The following TMT1A variants were observed in gnomAD, a reference collection of about 807,000 sequenced individuals.
TMT1A encodes thiol methyltransferase 1A.
At chr12:50,929,026 T>A in the TMT1A span, among the ~76,000 whole-genome samples, 1 of 151,868 alleles carries the variant, frequency 6.6e-6, no homozygotes, top group African/African-American at 2.4e-5. Flanking sequence ...TCACTTGAGC[T>A]CAGGAGTTCG....
the TMT1A span, among the ~76,000 whole-genome samples, chr12:50,928,989 G>A: frequency 1.3e-5 from 2 of 151,962 alleles, no homozygotes; most frequent in African/African-American, 4.8e-5. Flanking sequence ...TGTAATCCCA[G>A]CACTTTGGGA....
At chr12:50,927,415 G>C in the TMT1A span, among the ~76,000 whole-genome samples, 1 of 152,262 alleles carries the variant, frequency 6.6e-6, no homozygotes, top group Admixed American at 6.5e-5. Flanking sequence ...TCCTGTCTTG[G>C]CTCAATATCA....
chr12:50,930,085 C>T, the TMT1A span: 1 of 1,613,990 alleles, frequency 6.2e-7, no homozygotes, highest in Non-Finnish European at 8.5e-7. Flanking sequence ...GAAGCTGCAG[C>T]ACATCCAGGC....
At chr12:50,926,034 A>G in the TMT1A span, among the ~76,000 whole-genome samples, 3 of 148,726 alleles carry the variant, frequency 2.0e-5, no homozygotes, top group African/African-American at 7.4e-5. Flanking sequence ...AAAAAAAAAA[A>G]AAAAAGAAAG....
the TMT1A span, chr12:50,931,218 C>A: frequency 6.6e-6 from 1 of 151,538 alleles, no homozygotes; most frequent in African/African-American, 2.4e-5. Flanking sequence ...AATGGTTACC[C>A]ATCAGATTTT....
the TMT1A span, among the ~76,000 whole-genome samples, chr12:50,925,986 C>T: frequency 5.1e-5 from 6 of 117,872 alleles, no homozygotes; most frequent in Non-Finnish European, 9.7e-5. Flanking sequence ...CACAGCACTC[C>T]AGCCTAGGCA....
At chr12:50,926,045 A>AAGG in the TMT1A span, among the ~76,000 whole-genome samples, 4 of 126,248 alleles carry the variant, frequency 3.2e-5, no homozygotes, top group Non-Finnish European at 4.9e-5. Context: ...AAAAAGAAAG[A>AAGG]AAGAAAAAAA....
chr12:50,925,284 G>A, the TMT1A span: 3 of 1,614,156 alleles, frequency 1.9e-6, no homozygotes, highest in Non-Finnish European at 2.5e-6. Context: ...GTGGCACGGG[G>A]GCCAACTTCA....
chr12:50,926,984 T>C, the TMT1A span, among the ~76,000 whole-genome samples: 1 of 152,184 alleles, frequency 6.6e-6, no homozygotes, highest in South Asian at 2.1e-4. Flanking sequence ...ACATTTGAAT[T>C]TACTCTTCTG....
the TMT1A span, chr12:50,929,969 A>C: frequency 2.5e-6 from 4 of 1,613,762 alleles, no homozygotes; most frequent in Non-Finnish European, 3.4e-6. Flanking sequence ...ACTTGGAATT[A>C]CTTCTGGCAA....
chr12:50,929,053 T>A, the TMT1A span, among the ~76,000 whole-genome samples: 1 of 151,462 alleles, frequency 6.6e-6, no homozygotes, highest in Non-Finnish European at 1.5e-5. Context: ...GCCTGGGCAA[T>A]GCGGCGAAAC....
the TMT1A span, chr12:50,929,900 T>C: frequency 1.3e-6 from 2 of 1,547,180 alleles, no homozygotes; most frequent in South Asian, 1.2e-5. Flanking sequence ...TTTTTTTTTT[T>C]CTTTCTTTCT....
the TMT1A span, chr12:50,930,997 C>T: frequency 1.3e-5 from 2 of 152,120 alleles, no homozygotes; most frequent in African/African-American, 4.8e-5. Flanking sequence ...CTTTGAACTC[C>T]CCCTTCAAAG....
the TMT1A span, among the ~76,000 whole-genome samples, chr12:50,927,456 T>C: frequency 6.6e-6 from 1 of 152,224 alleles, no homozygotes; most frequent in East Asian, 1.9e-4. Flanking sequence ...CTGATTCTTA[T>C]ACCCAAATGC....
chr12:50,929,835 G>T, the TMT1A span: 1 of 1,379,730 alleles, frequency 7.2e-7, no homozygotes, highest in South Asian at 1.4e-5. Flanking sequence ...CAGTGCCAGA[G>T]AACAATTTTC....
At chr12:50,931,711 CAAAAAAAAAAAA>C in the TMT1A span, 1 of 43,380 alleles carries the variant, frequency 2.3e-5, no homozygotes, top group African/African-American at 8.0e-5. Context: ...GACTCCGTCT[CAAAAAAAAAAAA>C]AAAAAAAAAA....
At chr12:50,929,129 G>A in the TMT1A span, among the ~76,000 whole-genome samples, 2 of 152,130 alleles carry the variant, frequency 1.3e-5, no homozygotes, top group South Asian at 4.2e-4. Context: ...CAGCTACTTG[G>A]GGGGCTGAGG....
At chr12:50,928,706 C>T in the TMT1A span, among the ~76,000 whole-genome samples, 1 of 152,160 alleles carries the variant, frequency 6.6e-6, no homozygotes, top group African/African-American at 2.4e-5. Flanking sequence ...TATATACACT[C>T]CCCAGCAATC....
chr12:50,932,190 T>C, the TMT1A span: 1 of 152,250 alleles, frequency 6.6e-6, no homozygotes, highest in African/African-American at 2.4e-5. Context: ...CCTTGAATAA[T>C]TAGGTATCCT....
Sources: gnomAD v4.1 joint callset for allele counts (sites outside exome capture counted in the v4.1 genomes callset) on GRCh38, gnomAD v4.1.1 for gene constraint, MANE v1.5 for transcripts, NCBI Gene and HGNC (gene_info 2026-07-23, HGNC 2026-07-21) for gene names.